The following ADAMTS7 variants were observed in gnomAD, a reference collection of about 807,000 sequenced individuals.
ADAMTS7 encodes the protein A disintegrin and metalloproteinase with thrombospondin motifs 7.
Under a neutral mutation model 172.6 loss-of-function variants are expected in ADAMTS7, and 89 were observed. The ratio of observed to expected loss-of-function variants is 0.52; its 90% CI spans 0.43 to 0.61. ADAMTS7 has a LOEUF of 0.61. Among genes scored for constraint, ADAMTS7 ranks in the 20% least tolerant of loss-of-function variants. ADAMTS7 has a pLI of 0.00. For synonymous variants in ADAMTS7, 885 were observed against 978.4 expected (o/e 0.90, Z 1.78); for missense variants, 1,973 against 2,355.6 (o/e 0.84, Z 3.36).
intron 6 of ADAMTS7, among the ~76,000 whole-genome samples, 191 bp from the exon 7 acceptor site, chr15:78,790,029 G>T (rs945226894): frequency 1.3e-5 from 2 of 152,226 alleles, no homozygotes; most frequent in Non-Finnish European, 2.9e-5. Context: ...AACCGGCTGG[G>T]CATCTCTTTG....
At position 78,777,377 on chromosome 15, in the gene ADAMTS7, T is replaced by G. The variant is rs1285324028; in HGVS notation, c.1467+67A>C. 4.5e-6 allele frequency: 7 copies of G among 1,548,272 alleles called. No homozygotes were observed. In the Admixed American group the frequency reaches 7.4e-5, roughly 16 times the overall value. On this transcript the variant is annotated intron_variant, in intron 9 of 23. Coordinates refer to ENST00000388820, the MANE Select transcript of ADAMTS7 (RefSeq NM_014272.5). The stretch of plus-strand genomic sequence containing the variant: ...TCCCAGGCTGGCATCCACGGGCTGG[T>G]GAGAGCTGCCCCCTGAGCCCTCCTG...
At chr15:78,807,160 G>GCA (rs1218358116) in intron 1 of ADAMTS7, among the ~76,000 whole-genome samples, 6 of 152,214 alleles carry the variant, frequency 3.9e-5, no homozygotes, top group Admixed American at 2.6e-4. Flanking sequence ...GGTCAGGGGG[G>GCA]CACTGATGCC....
In ADAMTS7 at chr15:78,800,240, G is replaced by T. The variant is rs1414175865; in HGVS notation, c.408C>A (p.Asp136Glu). The part of the protein sequence containing the change: ...PACHLLGEVQ[D>E]PELEGGLAAI... ...CCGCCAGGCCACCCTCGAGCTCAGG[G>T]TCCTGCACCTCGCCAAGCAGGTGGC... Residue 136 changes from aspartate (D) to glutamate (E), a missense_variant, in exon 2 of 24, where the codon GAC becomes GAA. This residue lies in a region of ADAMTS7 where 306 missense variants were observed against 288.0 expected (regional missense o/e 1.06). Transcript: ENST00000388820. 6.3e-7 allele frequency: 1 copy of T among 1,595,444 alleles called. No individual in the cohort carries two copies. The highest frequency in any genetic ancestry group is 1.1e-5 in the South Asian group (1 of 90,910).
At chr15:78,802,218 T>C (rs569228890) in intron 1 of ADAMTS7, among the ~76,000 whole-genome samples, 6 of 152,342 alleles carry the variant, frequency 3.9e-5, no homozygotes, top group African/African-American at 1.2e-4. Context: ...TGAATGACTC[T>C]GTAGAATGCA....
intron 1 of ADAMTS7, chr15:78,810,762 G>C (rs2055855618): frequency 5.4e-6 from 1 of 185,162 alleles, no homozygotes; most frequent in Admixed American, 6.2e-5. Context: ...AATCCTCAGT[G>C]GGTAAACCGC....
In ADAMTS7 at chr15:78,811,200, G is replaced by T. The variant is rs908441482; in HGVS notation, c.21C>A (p.Pro7=). 2 of 1,229,062 alleles carry T rather than the reference G, an allele frequency of 1.6e-6. No individual in the cohort carries two copies. Among genetic ancestry groups the T allele is most frequent in the South Asian group, 8.2e-5 (2 of 24,298 alleles). 76.1% of individuals were successfully genotyped at this position (1,229,062 alleles called of 1,614,324 possible). A position where few individuals can be genotyped will look rare whatever the true frequency, so the allele number is the denominator to read the frequency against. The change falls in exon 1 of 24, where the codon CCC becomes CCA. Residue 7 remains proline, a synonymous_variant. Transcript: ENST00000388820. ...GGCGCAGCAAAGGCGCGGGGCTGCGGGGACTGGGGCCGCCGGGCATGGCAG... is the reference window on the plus strand; with the variant it reads ...GGCGCAGCAAAGGCGCGGGGCTGCGTGGACTGGGGCCGCCGGGCATGGCAG... MPGGPS[P]RSPAPLLRPL...
rs538240208 is a variant in ADAMTS7, at chr15:78,759,701, C to T, written c.4904-123G>A. 34 of 1,263,448 alleles carry T rather than the reference C, an allele frequency of 2.7e-5. No individual in the cohort carries two copies. The Admixed American group carries it at 8.0e-4, about 30-fold the overall frequency. 78.3% of individuals were successfully genotyped at this position (1,263,448 alleles called of 1,614,324 possible). A position where few individuals can be genotyped will look rare whatever the true frequency, so the allele number is the denominator to read the frequency against. On this transcript the variant is annotated intron_variant, in intron 23 of 23. Coordinates refer to ENST00000388820, the MANE Select transcript of ADAMTS7 (RefSeq NM_014272.5). ...CCCACCAAGCAGAGAGCCCCAGTTT[C>T]TGGAGCGGCTCCCGAACCGGAGTTG...
chr15:78,773,678 C>T (rs1368841551), intron 13 of ADAMTS7, among the ~76,000 whole-genome samples: 5 of 151,944 alleles, frequency 3.3e-5, no homozygotes, highest in African/African-American at 9.7e-5. Context: ...GAGGAGAGGC[C>T]GTCATTGTTA....
intron 6 of ADAMTS7, among the ~76,000 whole-genome samples, chr15:78,790,423 A>G (rs544839349): frequency 1.3e-4 from 20 of 152,304 alleles, no homozygotes; most frequent in African/African-American, 4.6e-4. Flanking sequence ...CACTGGGGGA[A>G]ATGGAGGAAG....
intron 7 of ADAMTS7, 81 bp downstream of exon 7, chr15:78,789,608 C>G: frequency 6.4e-7 from 1 of 1,555,718 alleles, no homozygotes; most frequent in Non-Finnish European, 8.8e-7. Context: ...ACTTTGTGAC[C>G]CACAGGCTGG....
rs2055862112 is a variant in ADAMTS7, at chr15:78,811,204, C to A, written c.17G>T (p.Ser6Ile). The change falls in exon 1 of 24, where the codon AGT (serine) becomes ATT (isoleucine). Residue 6 changes from serine (S) to isoleucine (I), a missense_variant. Physicochemically the swap from Ser to Ile is moderately radical, Grantham distance 142. Around this residue, in one of 8 missense-constraint regions of ADAMTS7, gnomAD observed 306 missense variants for 288.0 expected, o/e 1.06. Transcript: ENST00000388820. Reference protein sequence around the residue: MPGGPSPRSPAPLLRP... With the variant: MPGGPIPRSPAPLLRP... Reference sequence around the variant, plus strand: ...CAGCAAAGGCGCGGGGCTGCGGGGACTGGGGCCGCCGGGCATGGCAGGAAC... The same window carrying A: ...CAGCAAAGGCGCGGGGCTGCGGGGAATGGGGCCGCCGGGCATGGCAGGAAC... The A allele has an allele frequency of 3.3e-6, 4 of 1,228,670 alleles. No homozygotes were observed. Among genetic ancestry groups the A allele is most frequent in the Non-Finnish European group, 3.0e-6 (3 of 985,998 alleles). The allele number at this position is 1,228,670 out of a possible 1,614,324, so 76.1% of individuals were successfully genotyped here.
At chr15:78,765,525 C>G (rs2055124854) in intron 19 of ADAMTS7, 120 bp downstream of exon 19, 1 of 1,501,130 alleles carries the variant, frequency 6.7e-7, no homozygotes, top group Non-Finnish European at 9.0e-7. Flanking sequence ...TCCTGGGAAC[C>G]CCTGCCCCAA....
Position 78,763,943 on chromosome 15 carries a change from T to C in ADAMTS7, c.4576A>G (p.Thr1526Ala). 2 of 1,546,838 alleles carry C rather than the reference T, an allele frequency of 1.3e-6. No homozygotes were observed. The highest frequency in any genetic ancestry group is 1.7e-6 in the Non-Finnish European group (2 of 1,144,878). Residue 1526 changes from threonine to alanine, a missense_variant, in exon 21 of 24, where the codon ACA (threonine) becomes GCA (alanine). By Grantham distance (58) the Thr-to-Ala change is moderately conservative. Coordinates refer to ENST00000388820, the MANE Select transcript of ADAMTS7 (RefSeq NM_014272.5). Reference protein sequence around the residue: ...CGAQPCLSWYTSSWRECSEAC... With the variant: ...CGAQPCLSWYASSWRECSEAC... ...GGCCTCACCTCCCTCCAGGAAGATG[T>C]GTACCAGCTGAGGCAGGGCTGGGCC...
intron 19 of ADAMTS7, 97 bp downstream of exon 19, chr15:78,765,548 A>G: frequency 2.6e-6 from 4 of 1,564,258 alleles, no homozygotes; most frequent in Admixed American, 1.7e-5. Context: ...GAGGCTAGAC[A>G]GACGGCGCCT....
chr15:78,802,474 C>A (rs2055738476), intron 1 of ADAMTS7, among the ~76,000 whole-genome samples: 1 of 152,188 alleles, frequency 6.6e-6, no homozygotes, highest in Non-Finnish European at 1.5e-5. Flanking sequence ...CCGCTAACCA[C>A]CACTTCAACA....
At position 78,767,383 on chromosome 15, in the gene ADAMTS7, G is replaced by A; in HGVS notation, c.2855C>T (p.Ser952Phe). The A allele has an allele frequency of 6.2e-7, 1 of 1,611,756 alleles. No homozygotes were observed. Among genetic ancestry groups the A allele is most frequent in the Non-Finnish European group, 8.5e-7 (1 of 1,179,798 alleles). The change falls in exon 18 of 24, where the codon TCT (serine) becomes TTT (phenylalanine). Residue 952 changes from serine to phenylalanine, a missense_variant. Transcript: ENST00000388820. ...CPATWAVGNW[S>F]QCSVTCGEGT... Reference sequence around the variant, plus strand: ...CCCTTCCCATCCCACACTCACCTGAGACCAGTTCCCCACAGCCCAGGTGGC... The same window carrying A: ...CCCTTCCCATCCCACACTCACCTGAAACCAGTTCCCCACAGCCCAGGTGGC...
At position 78,766,627 on chromosome 15, in the gene ADAMTS7, G is replaced by A. The variant is rs1419655468; in HGVS notation, c.3284C>T (p.Thr1095Ile). Reference sequence around the variant, plus strand: ...AGCAGGATGGCTGTGTGGTGGGGGTGTCCGGTCCCCTGTCCCCGCCAGGTC... The same window carrying A: ...AGCAGGATGGCTGTGTGGTGGGGGTATCCGGTCCCCTGTCCCCGCCAGGTC... ...DLDLAGTGDR[T>I]PPPHSHPAAP... The change falls in exon 19 of 24, where the codon ACA (threonine) becomes ATA (isoleucine). Residue 1095 changes from threonine (T) to isoleucine (I), a missense_variant. By Grantham distance (89) the Thr-to-Ile change is moderately conservative (BLOSUM62 -1). Around this residue, in one of 8 missense-constraint regions of ADAMTS7, gnomAD observed 771 missense variants for 952.6 expected, o/e 0.81. Transcript: ENST00000388820. The A allele has an allele frequency of 1.2e-6, 2 of 1,608,824 alleles. No homozygotes were observed. Among genetic ancestry groups the A allele is most frequent in the Non-Finnish European group, 1.7e-6 (2 of 1,178,870 alleles).
Position 78,762,497 on chromosome 15 carries a change from C to T in ADAMTS7, c.4809G>A (p.Leu1603=). 1.3e-6 allele frequency: 2 copies of T among 1,590,342 alleles called. No homozygotes were observed. The highest frequency in any genetic ancestry group is 1.7e-6 in the Non-Finnish European group (2 of 1,168,652). The change falls in exon 23 of 24, where the codon CTG becomes CTA. Residue 1603 remains leucine, a synonymous_variant. Coordinates refer to ENST00000388820, the MANE Select transcript of ADAMTS7 (RefSeq NM_014272.5). ...LVKCVNTQTG[L]PEEDSDQCGH... The stretch of plus-strand genomic sequence containing the variant: ...CACACTGGTCACTGTCTTCCTCGGG[C>T]AGCCCTGTCTGGGTGTTGACACACT...
intron 2 of ADAMTS7, 67 bp downstream of exon 2, chr15:78,800,125 G>A (rs558711035): frequency 2.5e-4 from 346 of 1,407,534 alleles, no homozygotes; most frequent in Non-Finnish European, 3.0e-4. Flanking sequence ...GCGTGGCAAG[G>A]CTAGAGCCAA....
Sources: allele counts gnomAD v4.1 joint callset (sites outside exome capture counted in the v4.1 genomes callset), GRCh38; gene constraint gnomAD v4.1.1; regional missense constraint gnomAD v4.1.1; transcripts MANE v1.5; gene names NCBI Gene and HGNC (gene_info 2026-07-23, HGNC 2026-07-21).